The following ART4 variants were observed in gnomAD, a reference collection of about 807,000 sequenced individuals.
ART4 encodes ecto-ADP-ribosyltransferase 4.
In ART4, 14 loss-of-function variants were observed where a neutral mutation model predicts 24.2. The observed-to-expected ratio is 0.58, with a 90% CI of 0.38 to 0.90. The LOEUF is 0.90. ART4 is among the 40% of genes least tolerant of loss of function. The probability of loss-of-function intolerance (pLI) is 0.00; values close to 1 mark genes in which losing one functional copy is unlikely to be tolerated. For synonymous variants in ART4, 145 were observed against 139.9 expected, an observed-to-expected ratio of 1.04 and a Z score of -0.26; for missense variants, 356 against 366.6, an observed-to-expected ratio of 0.97 and a Z score of 0.24.
At chr12:14,836,756 C>T (rs1396555151) in intron 2 of ART4, among the ~76,000 whole-genome samples, 1 of 152,118 alleles carries the variant, frequency 6.6e-6, no homozygotes, top group Non-Finnish European at 1.5e-5. Flanking sequence ...GAGCTTATTC[C>T]TCTCCTTCTT....
In ART4 at chr12:14,843,132, C is replaced by CTT. The variant is rs1164439849; in HGVS notation, c.-21_-20dup. On this transcript the variant is annotated 5_prime_UTR_variant, in exon 1 of 3. Coordinates refer to ENST00000228936, the MANE Select transcript of ART4 (RefSeq NM_021071.4). ...GACCCATTTGCTTGTGTCACAAGTA[C>CTT]TTCTCCTTTGCCCTTGCAGCTTCAT... is the stretch of plus-strand genomic sequence containing the variant. 7 of 1,613,472 alleles carry CTT rather than the reference C, an allele frequency of 4.3e-6. No homozygotes were observed. The African/African-American group carries it at 8.0e-5, about 18-fold the overall frequency.
At position 14,840,726 on chromosome 12, in the gene ART4, T is replaced by C. The variant is rs1258096694; in HGVS notation, c.572A>G (p.Asp191Gly). 1 of 1,614,114 alleles carries C rather than the reference T, an allele frequency of 6.2e-7. No homozygotes were observed. The highest frequency in any genetic ancestry group is 1.7e-5 in the Admixed American group (1 of 60,002). The change falls in exon 2 of 3, where the codon GAT becomes GGT. Residue 191 changes from aspartate to glycine, a missense_variant. Transcript: ENST00000228936. The stretch of plus-strand genomic sequence containing the variant: ...CCCTGTGTAGGCATTAAAGTGGACA[T>C]CCTTCGTCCTATAATGCACCTCATA... ...LCYEVHYRTK[D>G]VHFNAYTGAT...
chr12:14,827,203 T>C lies in ART4; in HGVS notation c.*2168A>G, dbSNP rs1950364660. The C allele has an allele frequency of 6.6e-6, 1 of 152,176 alleles. No homozygotes were observed. The highest frequency in any genetic ancestry group is 2.4e-5 in the African/African-American group (1 of 41,450). 9.4% of individuals were successfully genotyped at this position (152,176 alleles called of 1,614,324 possible). A position where few individuals can be genotyped will look rare whatever the true frequency, so the allele number is the denominator to read the frequency against. ...TACACAGTATGGCTCAATACATGCA[T>C]TTATATGGCACAGGAAAAATGTACT... On this transcript the variant is annotated 3_prime_UTR_variant, in exon 3 of 3. Coordinates refer to ENST00000228936, the MANE Select transcript of ART4 (RefSeq NM_021071.4).
intron 2 of ART4, among the ~76,000 whole-genome samples, chr12:14,835,839 G>C (rs565339733): frequency 6.6e-6 from 1 of 152,164 alleles, no homozygotes; most frequent in African/African-American, 2.4e-5. Flanking sequence ...TCCTGACCTT[G>C]TGATCCACCT....
chr12:14,838,278 C>T (rs1211894749), intron 2 of ART4, among the ~76,000 whole-genome samples: 1 of 152,146 alleles, frequency 6.6e-6, no homozygotes. Context: ...TATAGAGTGG[C>T]AGAATGTGAG....
At chr12:14,836,734 T>A (rs569620013) in intron 2 of ART4, among the ~76,000 whole-genome samples, 2 of 152,290 alleles carry the variant, frequency 1.3e-5, no homozygotes, top group Non-Finnish European at 2.9e-5. Context: ...AAGAAAGGCA[T>A]CCCTGCAATG....
rs919647843 is a variant in ART4 at position 14,828,227 on chromosome 12, T to G, written c.*1144A>C. 1.3e-5 allele frequency: 2 copies of G among 152,200 alleles called. No homozygotes were observed. Among genetic ancestry groups the G allele is most frequent in the African/African-American group, 4.8e-5 (2 of 41,452 alleles). 9.4% of individuals were successfully genotyped at this position (152,200 alleles called of 1,614,324 possible). ...TAATCAGTGTTTTTTTCTCTCATAC[T>G]CTCTGTTAACCTTCACACATACCCT... On this transcript the variant is annotated 3_prime_UTR_variant, in exon 3 of 3. Coordinates refer to ENST00000228936, the MANE Select transcript of ART4 (RefSeq NM_021071.4).
At chr12:14,839,303 C>T (rs992760551) in intron 2 of ART4, among the ~76,000 whole-genome samples, 1 of 152,164 alleles carries the variant, frequency 6.6e-6, no homozygotes, top group African/African-American at 2.4e-5. Flanking sequence ...ACCAGCCATC[C>T]AGAATTTCAG....
chr12:14,833,840 G>C (rs1950411857), intron 2 of ART4, among the ~76,000 whole-genome samples: 1 of 152,136 alleles, frequency 6.6e-6, no homozygotes, highest in African/African-American at 2.4e-5. Context: ...AAAATGCAAG[G>C]AGCAAGAGTG....
chr12:14,839,780 G>A (rs1388899908), intron 2 of ART4, among the ~76,000 whole-genome samples: 1 of 152,134 alleles, frequency 6.6e-6, no homozygotes, highest in Non-Finnish European at 1.5e-5. Context: ...TGCTTAAAAT[G>A]ACTTTTCTTT....
rs768259592 is a variant in ART4, at chr12:14,841,039, T to C, written c.259A>G (p.Ile87Val). The C allele has an allele frequency of 1.2e-6, 2 of 1,614,136 alleles. No homozygotes were observed. Among genetic ancestry groups the C allele is most frequent in the Admixed American group, 3.3e-5 (2 of 60,012 alleles). ...LTQGDYFTKD[I>V]EAQKNYFRMW... Reference sequence around the variant, plus strand: ...CTAAAATAATTCTTCTGGGCTTCTATGTCTTTTGTGAAATAATCCCCTTGA... The same window carrying C: ...CTAAAATAATTCTTCTGGGCTTCTACGTCTTTTGTGAAATAATCCCCTTGA... Residue 87 changes from isoleucine to valine, a missense_variant, in exon 2 of 3, where the codon ATA becomes GTA. Ile to Val is a conservative substitution (Grantham distance 29, BLOSUM62 3). Coordinates refer to ENST00000228936, the MANE Select transcript of ART4 (RefSeq NM_021071.4).
At chr12:14,833,864 A>G (rs552057845) in intron 2 of ART4, among the ~76,000 whole-genome samples, 2 of 152,338 alleles carry the variant, frequency 1.3e-5, no homozygotes, top group South Asian at 4.1e-4. Flanking sequence ...ATATTGTAGA[A>G]TATTACCTAG....
intron 2 of ART4, among the ~76,000 whole-genome samples, chr12:14,836,827 T>G (rs1332796588): frequency 6.6e-6 from 1 of 152,190 alleles, no homozygotes; most frequent in Non-Finnish European, 1.5e-5. Context: ...TTCCAGCTCT[T>G]GGCTGATTAT....
chr12:14,836,068 T>C (rs1174230078), intron 2 of ART4, among the ~76,000 whole-genome samples: 1 of 151,796 alleles, frequency 6.6e-6, no homozygotes, highest in South Asian at 2.1e-4. Flanking sequence ...TGTGTATGTA[T>C]GTATATACAT....
At chr12:14,840,321 A>G (rs1950457933) in intron 2 of ART4, 124 bp downstream of exon 2, 1 of 771,764 alleles carries the variant, frequency 1.3e-6, no homozygotes, top group South Asian at 2.0e-5. Context: ...TATCAGTTCC[A>G]TCATTACCGA....
At chr12:14,831,484 C>G (rs989387013) in intron 2 of ART4, among the ~76,000 whole-genome samples, 1 of 151,684 alleles carries the variant, frequency 6.6e-6, no homozygotes, top group African/African-American at 2.4e-5. Context: ...AGGCTGGTCT[C>G]GAACTCCTGA....
chr12:14,841,246 C>T (rs190430302), intron 1 of ART4, 93 bp from the exon 2 acceptor site: 18 of 1,160,284 alleles, frequency 1.6e-5, no homozygotes, highest in Admixed American at 2.5e-5. Flanking sequence ...TAAGTCTTCT[C>T]CTGGAAACCA....
rs1950438867 is a variant in ART4, at chr12:14,837,545, ACT to A, written c.853+2898_853+2899del. Among the ~76,000 whole-genome samples, 6 of 152,118 alleles carry A rather than the reference ACT, an allele frequency of 3.9e-5. No homozygotes were observed. The South Asian group carries it at 1.2e-3, about 32-fold the overall frequency. On this transcript the variant is annotated intron_variant, in intron 2 of 2. Coordinates refer to ENST00000228936, the MANE Select transcript of ART4 (RefSeq NM_021071.4). ...TATTTTTCTTTTAAGATGGAGTCTC[ACT>A]CTATCGCCCAGGCTGGAGTGCAGTG... is the stretch of plus-strand genomic sequence containing the variant.
chr12:14,840,453 A>G lies in ART4; in HGVS notation c.845T>C (p.Leu282Pro), dbSNP rs1950459102. 1 of 1,604,340 alleles carries G rather than the reference A, an allele frequency of 6.2e-7. No homozygotes were observed. Among genetic ancestry groups the G allele is most frequent in the Admixed American group, 1.7e-5 (1 of 57,772 alleles). The change falls in exon 2 of 3, where the codon CTG (leucine) becomes CCG (proline). Residue 282 changes from leucine (L) to proline (P), a missense_variant. Transcript: ENST00000228936. ...TGNLSTYNCQLLKASSKKCIP... is the reference protein window; with the variant it reads ...TGNLSTYNCQPLKASSKKCIP... ...ATTTAGATAAAGAATACCTTTTAGCAGCTGACAGTTATATGTGCTCAGGTT... is the reference window on the plus strand; with the variant it reads ...ATTTAGATAAAGAATACCTTTTAGCGGCTGACAGTTATATGTGCTCAGGTT...
Sources: gnomAD v4.1 joint callset for allele counts (sites outside exome capture counted in the v4.1 genomes callset) on GRCh38, gnomAD v4.1.1 for gene constraint, MANE v1.5 for transcripts, NCBI Gene and HGNC (gene_info 2026-07-23, HGNC 2026-07-21) for gene names.